The following LILRB1 variants were observed in gnomAD, a reference collection of about 807,000 sequenced individuals.
The protein encoded by LILRB1 is leukocyte immunoglobulin like receptor B1.
A neutral mutation model predicts 74.6 loss-of-function variants in LILRB1; 59 were observed. That is an observed-to-expected ratio of 0.79 (90% CI 0.64 to 0.98). LILRB1 has a LOEUF of 0.98. Ranked by LOEUF, LILRB1 falls within the 50% of genes least tolerant of loss-of-function variation. LILRB1 has a pLI of 0.00. For synonymous variants in LILRB1, 328 were observed against 333.9 expected, an observed-to-expected ratio of 0.98 and a Z score of 0.19; for missense variants, 804 against 822.6, an observed-to-expected ratio of 0.98 and a Z score of 0.28.
chr19:54,621,350 T>G (rs1591293), intron 1 of LILRB1, among the ~76,000 whole-genome samples: 5,038 of 152,330 alleles, frequency 0.033, 106 homozygotes, highest in South Asian at 0.054. Flanking sequence ...TGGTTCTGAC[T>G]TCTTAAAAGT....
rs768820370 is a variant in LILRB1 at position 54,634,711 on chromosome 19, C to T, written c.1434C>T (p.Leu478=). 6.2e-7 allele frequency: 1 copy of T among 1,614,028 alleles called. No homozygotes were observed. Among genetic ancestry groups the T allele is most frequent in the Non-Finnish European group, 8.5e-7 (1 of 1,179,952 alleles). The change falls in exon 10 of 15, where the codon CTC becomes CTT. Residue 478 remains leucine (L), a synonymous_variant. Coordinates refer to ENST00000324602, the MANE Select transcript of LILRB1 (RefSeq NM_001081637.3). Reference sequence around the variant, plus strand: ...TCATCCTACTGCTCCTCCTCCTCCTCCTCCTCTTCCTCATCCTCCGACATC... The same window carrying T: ...TCATCCTACTGCTCCTCCTCCTCCTTCTCCTCTTCCTCATCCTCCGACATC... ...VAVILLLLLL[L]LLFLILRHRR...
intron 1 of LILRB1, among the ~76,000 whole-genome samples, chr19:54,624,090 T>C (rs1448284598): frequency 6.6e-6 from 1 of 151,864 alleles, no homozygotes; most frequent in Non-Finnish European, 1.5e-5. Flanking sequence ...GACCGTGGAG[T>C]GTCAGGTGCC....
rs767078486 is a variant in LILRB1 at position 54,631,488 on chromosome 19, A to G, written c.71-12A>G. 1.9e-6 allele frequency: 3 copies of G among 1,602,712 alleles called. No homozygotes were observed. On this transcript the variant is annotated splice_polypyrimidine_tract_variant and intron_variant, in intron 3 of 14. Coordinates refer to ENST00000324602, the MANE Select transcript of LILRB1 (RefSeq NM_001081637.3). ...GAAATGAGTTAGAATCTGACTCCTG[A>G]TTTCCTTCCAGGGCACCTCCCCAAG...
chr19:54,636,150 C>T, intron 13 of LILRB1: 3 of 573,342 alleles, frequency 5.2e-6, no homozygotes, highest in East Asian at 6.7e-5. Flanking sequence ...AAGGGGAGGG[C>T]TGTCTGCTCA....
chr19:54,620,460 G>A (rs921884884), intron 1 of LILRB1, among the ~76,000 whole-genome samples: 1 of 151,898 alleles, frequency 6.6e-6, no homozygotes. Context: ...CCAGGTTCAC[G>A]CCCACATTCT....
At chr19:54,636,282 C>T in intron 13 of LILRB1, 1 of 981,574 alleles carries the variant, frequency 1.0e-6, no homozygotes, top group Non-Finnish European at 1.5e-6. Flanking sequence ...GCAGGAAGGC[C>T]CGTGAGGCTG....
chr19:54,636,675 C>T lies in LILRB1; in HGVS notation c.1812+23C>T, dbSNP rs1568610010. ...GAGGTGAGTCCTTTCCTCTCCAGGCCCCCAGGCCTCCCCCACCCCCACCAC... is the reference window on the plus strand; with the variant it reads ...GAGGTGAGTCCTTTCCTCTCCAGGCTCCCAGGCCTCCCCCACCCCCACCAC... On this transcript the variant is annotated intron_variant, in intron 14 of 14. Coordinates refer to ENST00000324602, the MANE Select transcript of LILRB1 (RefSeq NM_001081637.3). 3 of 1,598,620 alleles carry T rather than the reference C, an allele frequency of 1.9e-6. No homozygotes were observed. In the South Asian group the frequency reaches 3.3e-5, roughly 18 times the overall value.
rs778621031 is a variant in LILRB1, at chr19:54,631,794, T to A, written c.358+7T>A. 6.2e-7 allele frequency: 1 copy of A among 1,613,706 alleles called. No homozygotes were observed. The highest frequency in any genetic ancestry group is 1.3e-5 in the African/African-American group (1 of 74,952). ...CTGGAGCTGGTGGTGACAGGTGAGC[T>A]GACACTCAGGGGTCCCAGCCCCAGA... On this transcript the variant is annotated splice_region_variant and intron_variant, in intron 4 of 14. Transcript: ENST00000324602.
upstream of LILRB1, among the ~76,000 whole-genome samples, chr19:54,628,377 A>G (rs1486347729): frequency 1.3e-5 from 2 of 152,194 alleles, no homozygotes; most frequent in Non-Finnish European, 2.9e-5. Context: ...GTCTACCCAG[A>G]GACAGTCCCA....
upstream of LILRB1, among the ~76,000 whole-genome samples, chr19:54,616,571 C>A (rs2063317633): frequency 2.6e-5 from 4 of 152,130 alleles, no homozygotes; most frequent in Non-Finnish European, 5.9e-5. Context: ...TCCTCCTGAG[C>A]CCCGACCTCC....
chr19:54,632,182 G>C lies in LILRB1; in HGVS notation c.606G>C (p.Ser202=), dbSNP rs375960582. ...GGTACAGGTGCTATGCTTATGACTC[G>C]AACTCTCCCTATGAGTGGTCTCTAC... The part of the protein sequence containing the change: ...RWWYRCYAYD[S]NSPYEWSLPS... Residue 202 remains serine, a synonymous_variant, in exon 5 of 15, where the codon TCG becomes TCC. Coordinates refer to ENST00000324602, the MANE Select transcript of LILRB1 (RefSeq NM_001081637.3). The C allele has an allele frequency of 6.2e-7, 1 of 1,614,018 alleles. No individual in the cohort carries two copies. Among genetic ancestry groups the C allele is most frequent in the South Asian group, 1.1e-5 (1 of 91,068 alleles).
intron 13 of LILRB1, 112 bp from the exon 14 acceptor site, chr19:54,636,382 G>A: frequency 1.9e-6 from 3 of 1,541,682 alleles, no homozygotes; most frequent in Non-Finnish European, 2.6e-6. Flanking sequence ...GGGCGTCCCT[G>A]AGATTCCATC....
rs2064241678 is a variant in LILRB1 at position 54,634,735 on chromosome 19, T to C, written c.1458T>C (p.His486=). Residue 486 remains histidine (H), a synonymous_variant, in exon 10 of 15, where the codon CAT becomes CAC. Coordinates refer to ENST00000324602, the MANE Select transcript of LILRB1 (RefSeq NM_001081637.3). ...TCCTCCTCTTCCTCATCCTCCGACA[T>C]CGACGTCAGGGCAAACACTGGACAT... The part of the protein sequence containing the change: ...LLLLLFLILR[H]RRQGKHWTST... 1.1e-5 allele frequency: 18 copies of C among 1,613,924 alleles called. No individual in the cohort carries two copies. Among genetic ancestry groups the C allele is most frequent in the Non-Finnish European group, 1.5e-5 (18 of 1,179,940 alleles).
chr19:54,634,014 C>A lies in LILRB1; in HGVS notation c.1356C>A (p.Pro452=). Reference sequence around the variant, plus strand: ...CCCTCACCCCCACCGGGTCGGATCCCCAGAGTGGTGAGTGACGGGCTCTGA... The same window carrying A: ...CCCTCACCCCCACCGGGTCGGATCCACAGAGTGGTGAGTGACGGGCTCTGA... ...DQPLTPTGSD[P]QSGLGRHLGV... Residue 452 remains proline (P), a synonymous_variant, in exon 9 of 15, where the codon CCC becomes CCA. Transcript: ENST00000324602. 2 of 1,598,166 alleles carry A rather than the reference C, an allele frequency of 1.3e-6. No individual in the cohort carries two copies. The highest frequency in any genetic ancestry group is 1.7e-6 in the Non-Finnish European group (2 of 1,172,370).
At position 54,637,161 on chromosome 19, in the gene LILRB1, G is replaced by T; in HGVS notation, c.*283G>T. On this transcript the variant is annotated 3_prime_UTR_variant, in exon 15 of 15. Transcript: ENST00000324602. ...ATATTACACATCAAGCGATGAAACT[G>T]GAAAACTACAAGCCACGAATGAATG... The T allele has an allele frequency of 2.4e-6, 1 of 410,744 alleles. No homozygotes were observed. Among genetic ancestry groups the T allele is most frequent in the Non-Finnish European group, 4.3e-6 (1 of 231,792 alleles). The allele number at this position is 410,744 out of a possible 1,614,324, so 25.4% of individuals were successfully genotyped here. A position where few individuals can be genotyped will look rare whatever the true frequency, so the allele number is the denominator to read the frequency against.
At chr19:54,629,568 G>A (rs4097296), upstream of LILRB1, among the ~76,000 whole-genome samples, 6,051 of 152,282 alleles carry the variant, frequency 0.04, 126 homozygotes, top group South Asian at 0.053. Context: ...CAGCAGCTCT[G>A]TCACTGGACG....
At chr19:54,623,735 T>C (rs1352449634) in intron 1 of LILRB1, among the ~76,000 whole-genome samples, 2 of 152,216 alleles carry the variant, frequency 1.3e-5, no homozygotes, top group Non-Finnish European at 2.9e-5. Flanking sequence ...GGTGCCACAA[T>C]ATTCAGATTT....
intron 9 of LILRB1, 47 bp from the exon 10 acceptor site, chr19:54,634,594 C>A: frequency 6.4e-7 from 1 of 1,571,270 alleles, no homozygotes; most frequent in East Asian, 2.3e-5. Flanking sequence ...ACAGTAGGCG[C>A]TCATTTCAAT....
chr19:54,632,420 A>G, intron 5 of LILRB1, 44 bp from the exon 6 acceptor site: 1 of 1,561,978 alleles, frequency 6.4e-7, no homozygotes, highest in Non-Finnish European at 8.7e-7. Context: ...TTTGTGGGGA[A>G]GCCTGAGGGT....
Sources: gnomAD v4.1 joint callset for allele counts (sites outside exome capture counted in the v4.1 genomes callset) on GRCh38, gnomAD v4.1.1 for gene constraint, MANE v1.5 for transcripts, NCBI Gene and HGNC (gene_info 2026-07-23, HGNC 2026-07-21) for gene names.